WNK2: variants seen among roughly 807,000 people sequenced by gnomAD.
WNK2 encodes the protein serine/threonine-protein kinase WNK2.
WNK2 carries 67 observed loss-of-function variants against 192.1 expected under a neutral mutation model. The ratio of observed to expected loss-of-function variants is 0.35; its 90% CI spans 0.29 to 0.43. The LOEUF (loss-of-function observed/expected upper bound fraction) is 0.43, where lower values mean the gene tolerates loss of function less well. Ranked by LOEUF, WNK2 falls within the 20% of genes least tolerant of loss-of-function variation. The pLI, the probability that WNK2 is intolerant of heterozygous loss-of-function variation, is 1.00. For synonymous variants in WNK2, 1,439 were observed against 1,393.9 expected (o/e 1.03, Z -0.72); for missense variants, 2,698 against 3,089.7 (o/e 0.87, Z 3.01).
chr9:93,189,934 G>T (rs914330062), intron 2 of WNK2, among the ~76,000 whole-genome samples: 8 of 152,218 alleles, frequency 5.3e-5, no homozygotes, highest in African/African-American at 1.9e-4. Flanking sequence ...CCAGTGCCGG[G>T]CACAGAGGAG....
chr9:93,300,521 C>G (rs1190921176), intron 26 of WNK2, among the ~76,000 whole-genome samples: 3 of 149,982 alleles, frequency 2.0e-5, no homozygotes, highest in Non-Finnish European at 3.0e-5. Context: ...GTTTTTTTTT[C>G]TGTTGCAATT....
At chr9:93,286,904 C>T (rs958218030) in intron 19 of WNK2, among the ~76,000 whole-genome samples, 9 of 152,274 alleles carry the variant, frequency 5.9e-5, no homozygotes, top group African/African-American at 2.2e-4. Context: ...ATAAGCCAGG[C>T]ACAGAAAGAC....
intron 17 of WNK2, 45 bp from the exon 18 acceptor site, chr9:93,267,975 C>T (rs774539171): frequency 7.5e-6 from 12 of 1,604,462 alleles, no homozygotes; most frequent in African/African-American, 2.7e-5. Context: ...GGCAGGTGGG[C>T]GCTGCAGCTC....
chr9:93,296,630 TCCCTTCCATCCTCCCCTC>T (rs1850537104), intron 23 of WNK2, among the ~76,000 whole-genome samples: 1 of 35,812 alleles, frequency 2.8e-5, no homozygotes, highest in African/African-American at 1.2e-4. Flanking sequence ...TCACCTTCCT[TCCCTTCCATCCTCCCCTC>T]ACCTTTCTCC....
intron 2 of WNK2, among the ~76,000 whole-genome samples, chr9:93,207,447 C>T (rs1180683644): frequency 6.6e-6 from 1 of 152,234 alleles, no homozygotes; most frequent in East Asian, 1.9e-4. Flanking sequence ...TCCCGGTCAG[C>T]ATGCAGTAGG....
intron 2 of WNK2, among the ~76,000 whole-genome samples, chr9:93,200,848 G>T (rs1337703116): frequency 1.3e-4 from 20 of 152,188 alleles, no homozygotes; most frequent in Admixed American, 1.3e-3. Flanking sequence ...TTATGAGAAG[G>T]ATGAAATAGG....
chr9:93,208,692 CTG>C (rs1435667175), intron 2 of WNK2, among the ~76,000 whole-genome samples: 1 of 5,204 alleles, frequency 1.9e-4, no homozygotes, highest in African/African-American at 6.3e-4. Context: ...TGCATGTGTT[CTG>C]TGTGTCTGCG....
chr9:93,224,959 G>A (rs1313144365), intron 2 of WNK2, among the ~76,000 whole-genome samples: 1 of 152,172 alleles, frequency 6.6e-6, no homozygotes, highest in African/African-American at 2.4e-5. Flanking sequence ...TCAGTCCACA[G>A]GTGTTCATGG....
intron 2 of WNK2, among the ~76,000 whole-genome samples, chr9:93,197,343 T>C (rs1381844616): frequency 1.3e-5 from 2 of 152,176 alleles, no homozygotes; most frequent in Admixed American, 1.3e-4. Flanking sequence ...ATGGGTGGAC[T>C]GCACTTCCTA....
chr9:93,263,437 G>GA, intron 14 of WNK2, 129 bp from the exon 15 acceptor site: 1 of 1,230,856 alleles, frequency 8.1e-7, no homozygotes. Flanking sequence ...GCACAGGACG[G>GA]GCTGCCTCTG....
chr9:93,216,850 A>G (rs1835832807), intron 2 of WNK2, among the ~76,000 whole-genome samples: 2 of 152,132 alleles, frequency 1.3e-5, no homozygotes, highest in South Asian at 4.1e-4. Context: ...AACAAAACAA[A>G]AAGAACTAAA....
intron 4 of WNK2, among the ~76,000 whole-genome samples, chr9:93,233,571 G>A (rs944415624): frequency 3.3e-5 from 5 of 151,506 alleles, no homozygotes; most frequent in Admixed American, 6.6e-5. Flanking sequence ...GGCGGCAGAC[G>A]CCTGTAGTCC....
At chr9:93,282,990 A>C (rs542580972) in intron 19 of WNK2, among the ~76,000 whole-genome samples, 1 of 152,218 alleles carries the variant, frequency 6.6e-6, no homozygotes, top group Non-Finnish European at 1.5e-5. Context: ...CATTAACTAG[A>C]AGATAACTAG....
At chr9:93,254,223 G>A (rs991830704) in intron 9 of WNK2, among the ~76,000 whole-genome samples, 2 of 152,166 alleles carry the variant, frequency 1.3e-5, no homozygotes, top group Non-Finnish European at 2.9e-5. Flanking sequence ...AGCCTCAGAG[G>A]GTGGTTTATG....
At chr9:93,221,276 G>A (rs1264940105) in intron 2 of WNK2, among the ~76,000 whole-genome samples, 1 of 152,208 alleles carries the variant, frequency 6.6e-6, no homozygotes, top group Non-Finnish European at 1.5e-5. Context: ...AGTATGGACC[G>A]GGCACCACCC....
At chr9:93,268,392 A>T (rs1447510736) in intron 18 of WNK2, among the ~76,000 whole-genome samples, 3 of 152,178 alleles carry the variant, frequency 2.0e-5, no homozygotes, top group African/African-American at 7.2e-5. Context: ...GCAGAAGCCC[A>T]TCACCAGGGC....
At chr9:93,276,441 G>A (rs1319997350) in intron 19 of WNK2, among the ~76,000 whole-genome samples, 1 of 152,200 alleles carries the variant, frequency 6.6e-6, no homozygotes, top group Non-Finnish European at 1.5e-5. Context: ...TTAATTCAAA[G>A]TGGATCAAAT....
In WNK2 at chr9:93,317,582, C is replaced by T. The variant is rs776010851; in HGVS notation, c.6579C>T (p.Ser2193=). The T allele has an allele frequency of 1.8e-5, 29 of 1,613,384 alleles. No individual in the cohort carries two copies. Among genetic ancestry groups the T allele is most frequent in the African/African-American group, 2.7e-5 (2 of 74,926 alleles). ...PRLPPAPGPL[S]TTVIPGAAPT... is the part of the protein sequence containing the mutation. ...TGCCCCCAGCGCCCGGCCCTCTGTC[C>T]ACCACGGTCATTCCCGGAGCCGCCC... Residue 2193 remains serine (S), a synonymous_variant, in exon 29 of 30, where the codon TCC becomes TCT. Transcript: ENST00000427277.
At chr9:93,281,735 CA>C in intron 19 of WNK2, among the ~76,000 whole-genome samples, 1 of 152,208 alleles carries the variant, frequency 6.6e-6, no homozygotes, top group East Asian at 1.9e-4. Flanking sequence ...TGCTGAAAAT[CA>C]AAGGCACATG....
Sources: allele counts gnomAD v4.1 joint callset (sites outside exome capture counted in the v4.1 genomes callset), GRCh38; gene constraint gnomAD v4.1.1; transcripts MANE v1.5; gene names NCBI Gene and HGNC (gene_info 2026-07-23, HGNC 2026-07-21).